CNTNAP2: variants seen among roughly 807,000 people sequenced by gnomAD.
The protein encoded by CNTNAP2 is contactin-associated protein-like 2.
CNTNAP2 carries 98 observed loss-of-function variants against 155.2 expected under a neutral mutation model. The ratio of observed to expected loss-of-function variants is 0.63; its 90% CI spans 0.54 to 0.75. The LOEUF (loss-of-function observed/expected upper bound fraction) is 0.75. Ranked by LOEUF, CNTNAP2 falls within the 30% of genes least tolerant of loss-of-function variation. The pLI, the probability that CNTNAP2 is intolerant of heterozygous loss-of-function variation, is 0.00. For missense variants in CNTNAP2, 1,727 were observed against 1,688.1 expected (o/e 1.02, Z -0.40); for synonymous variants, 651 against 631.2 (o/e 1.03, Z -0.47).
At chr7:146,744,670 A>C (rs565906233) in intron 1 of CNTNAP2, among the ~76,000 whole-genome samples, 2 of 152,292 alleles carry the variant, frequency 1.3e-5, no homozygotes, top group Admixed American at 6.5e-5. Flanking sequence ...TGTTGGAACT[A>C]TCTTGCATGT....
chr7:147,081,685 C>T (rs1584825661), intron 4 of CNTNAP2: 1 of 151,196 alleles, frequency 6.6e-6, no homozygotes, highest in South Asian at 2.1e-4. Context: ...GATCTCCTGA[C>T]CTTGTGATCT....
intron 3 of CNTNAP2, among the ~76,000 whole-genome samples, chr7:146,975,364 C>G: frequency 6.6e-6 from 1 of 152,112 alleles, no homozygotes; most frequent in East Asian, 1.9e-4. Flanking sequence ...ACTCAGGAGG[C>G]TGAGGCAGGA....
chr7:146,309,507 G>C (rs1800781355), intron 1 of CNTNAP2, among the ~76,000 whole-genome samples: 5 of 152,112 alleles, frequency 3.3e-5, no homozygotes, highest in Admixed American at 3.3e-4. Context: ...CTTCTGTTAA[G>C]AAAGGAGAAA....
In CNTNAP2 at chr7:147,181,727, C is replaced by G. The variant is rs559132831; in HGVS notation, c.1348+49218C>G. 8.5e-5 allele frequency among the ~76,000 whole-genome samples: 13 copies of G among 152,242 alleles called. No individual in the cohort carries two copies. The South Asian group carries it at 2.7e-3, about 32-fold the overall frequency. On this transcript the variant is annotated intron_variant, in intron 8 of 23. Transcript: ENST00000361727. ...CTACAAGGCTTTTTCATATTCAGTCCTTTCAAAAATATAAAATACTTGAAG... is the reference window on the plus strand; with the variant it reads ...CTACAAGGCTTTTTCATATTCAGTCGTTTCAAAAATATAAAATACTTGAAG...
intron 9 of CNTNAP2, among the ~76,000 whole-genome samples, chr7:147,390,195 A>G (rs1796686674): frequency 6.6e-6 from 1 of 152,196 alleles, no homozygotes; most frequent in Non-Finnish European, 1.5e-5. Context: ...ATTGTTGACT[A>G]AGGGAACTGT....
intron 2 of CNTNAP2, among the ~76,000 whole-genome samples, chr7:146,813,275 G>A (rs943157889): frequency 1.3e-5 from 2 of 152,126 alleles, no homozygotes; most frequent in Non-Finnish European, 2.9e-5. Context: ...GTCACTCAAT[G>A]CCAGCCTATG....
At chr7:146,190,392 G>A (rs947141429) in intron 1 of CNTNAP2, among the ~76,000 whole-genome samples, 3 of 152,174 alleles carry the variant, frequency 2.0e-5, no homozygotes, top group Non-Finnish European at 4.4e-5. Flanking sequence ...GATGCACAAA[G>A]CTGTTTTATT....
chr7:147,464,082 A>C (rs1798070799), intron 10 of CNTNAP2, among the ~76,000 whole-genome samples: 1 of 152,072 alleles, frequency 6.6e-6, no homozygotes, highest in South Asian at 2.1e-4. Context: ...TTGGTGAATA[A>C]GAATTATTTA....
chr7:146,925,982 T>G (rs2129221261), intron 3 of CNTNAP2, among the ~76,000 whole-genome samples: 1 of 152,242 alleles, frequency 6.6e-6, no homozygotes, highest in African/African-American at 2.4e-5. Flanking sequence ...GGCACTTCTA[T>G]CTTGTCCAAA....
In CNTNAP2 at chr7:147,883,071, T is replaced by G. The variant is rs377595753; in HGVS notation, c.2099-20494T>G. On this transcript the variant is annotated intron_variant, in intron 13 of 23. Transcript: ENST00000361727. ...TAACTGTACAGCATGATAGATAGGG[T>G]AGGTGTAGAAAATTGTACTGAATTG... Among the ~76,000 whole-genome samples, 4 of 152,160 alleles carry G rather than the reference T, an allele frequency of 2.6e-5. No individual in the cohort carries two copies. In the East Asian group the frequency reaches 5.8e-4, roughly 22 times the overall value.
chr7:147,852,307 A>G (rs189116372), intron 13 of CNTNAP2, among the ~76,000 whole-genome samples: 3 of 152,186 alleles, frequency 2.0e-5, no homozygotes, highest in Middle Eastern at 3.2e-3. Flanking sequence ...TATTTTGCAA[A>G]CTACAATTAC....
At chr7:147,336,130 G>A (rs1795660495) in intron 9 of CNTNAP2, among the ~76,000 whole-genome samples, 1 of 152,236 alleles carries the variant, frequency 6.6e-6, no homozygotes, top group East Asian at 1.9e-4. Context: ...CTTCATTTGT[G>A]GAGTAAAAAG....
intron 14 of CNTNAP2, among the ~76,000 whole-genome samples, chr7:147,940,846 A>C (rs1269793200): frequency 6.6e-6 from 1 of 152,208 alleles, no homozygotes; most frequent in Non-Finnish European, 1.5e-5. Context: ...GTCCAAGAAA[A>C]TCTTTTAGAA....
intron 11 of CNTNAP2, among the ~76,000 whole-genome samples, chr7:147,490,761 A>C (rs969393636): frequency 1.3e-5 from 2 of 152,160 alleles, no homozygotes; most frequent in Non-Finnish European, 2.9e-5. Flanking sequence ...AATACCAGAG[A>C]CTGGATAATT....
At position 146,528,955 on chromosome 7, in the gene CNTNAP2, A is replaced by T. The variant is rs142749884; in HGVS notation, c.98-245316A>T. Among the ~76,000 whole-genome samples the T allele has an allele frequency of 1.8e-3, 279 of 152,342 alleles. 2 individuals are homozygous for T. The highest frequency in any genetic ancestry group is 6.3e-3 in the African/African-American group (263 of 41,582). On this transcript the variant is annotated intron_variant, in intron 1 of 23. Coordinates refer to ENST00000361727, the MANE Select transcript of CNTNAP2 (RefSeq NM_014141.6). ...GAAAGCGGAAGCAAGGTTCAGTGAA[A>T]TAAAACACAAAAATCTAAGAAAAGA...
Position 146,880,397 on chromosome 7 carries a change from T to C in CNTNAP2, c.402+40493T>C, listed in dbSNP as rs114448299. Among the ~76,000 whole-genome samples, 619 of 152,036 alleles carry C rather than the reference T, an allele frequency of 4.1e-3. 5 individuals carry two copies. The highest frequency in any genetic ancestry group is 0.014 in the African/African-American group (583 of 41,538). On this transcript the variant is annotated intron_variant, in intron 3 of 23. Coordinates refer to ENST00000361727, the MANE Select transcript of CNTNAP2 (RefSeq NM_014141.6). Reference sequence around the variant, plus strand: ...AGGAAAAGGGCCCTCACTAGGAACCTGACCATGCTGGCACCATGTCGGCAC... The same window carrying C: ...AGGAAAAGGGCCCTCACTAGGAACCCGACCATGCTGGCACCATGTCGGCAC...
intron 11 of CNTNAP2, among the ~76,000 whole-genome samples, chr7:147,521,901 T>C (rs976158029): frequency 2.5e-4 from 38 of 152,192 alleles, no homozygotes; most frequent in African/African-American, 9.2e-4. Flanking sequence ...GTGGTTCAGC[T>C]ACCAAATACC....
intron 1 of CNTNAP2, among the ~76,000 whole-genome samples, chr7:146,728,928 T>G (rs1397942251): frequency 6.6e-6 from 1 of 152,186 alleles, no homozygotes; most frequent in African/African-American, 2.4e-5. Context: ...TCAACTGGCT[T>G]TGGTTTCTTC....
chr7:148,002,707 C>T (rs1016435989), intron 15 of CNTNAP2, among the ~76,000 whole-genome samples: 2 of 152,080 alleles, frequency 1.3e-5, no homozygotes, highest in African/African-American at 2.4e-5. Context: ...CAGTCAACCA[C>T]CATGGTTTCT....
Sources: allele counts gnomAD v4.1 joint callset (sites outside exome capture counted in the v4.1 genomes callset), GRCh38; gene constraint gnomAD v4.1.1; transcripts MANE v1.5; gene names NCBI Gene and HGNC (gene_info 2026-07-23, HGNC 2026-07-21).